G3BP2: variants seen among roughly 807,000 people sequenced by gnomAD.
G3BP2 encodes the protein ras GTPase-activating protein-binding protein 2.
In G3BP2, 11 loss-of-function variants were observed where a neutral mutation model predicts 56.7. That is an observed-to-expected ratio of 0.19 (90% CI 0.12 to 0.32). The LOEUF is 0.32. G3BP2 is among the 10% of genes least tolerant of loss of function. The pLI is 1.00. For missense variants in G3BP2, 340 were observed against 610.9 expected, an observed-to-expected ratio of 0.56 and a Z score of 4.67; for synonymous variants, 165 against 191.6, an observed-to-expected ratio of 0.86 and a Z score of 1.15.
At chr4:75,707,378 T>C (rs192900006) in intron 3 of G3BP2, among the ~76,000 whole-genome samples, 4 of 152,000 alleles carry the variant, frequency 2.6e-5, no homozygotes, top group Admixed American at 2.6e-4. Flanking sequence ...TCCCAGCACT[T>C]TGGGAGGCCG....
intron 3 of G3BP2, among the ~76,000 whole-genome samples, chr4:75,697,516 A>G (rs1157498283): frequency 1.3e-5 from 2 of 152,130 alleles, no homozygotes; most frequent in Non-Finnish European, 2.9e-5. Context: ...TAATGTATTT[A>G]TGTAAATTAG....
intron 3 of G3BP2, among the ~76,000 whole-genome samples, chr4:75,693,644 C>A (rs776697033): frequency 6.6e-6 from 1 of 151,994 alleles, no homozygotes; most frequent in Non-Finnish European, 1.5e-5. Context: ...CAACAATTAG[C>A]TGGGCGCGGT....
chr4:75,721,567 G>A (rs547698620), intron 2 of G3BP2, among the ~76,000 whole-genome samples: 22 of 151,972 alleles, frequency 1.4e-4, no homozygotes, highest in Non-Finnish European at 2.6e-4. Context: ...ACCTATATAC[G>A]ATACTGAAGG....
chr4:75,665,675 A>G (rs1348626182), intron 1 of G3BP2, among the ~76,000 whole-genome samples: 1 of 151,696 alleles, frequency 6.6e-6, no homozygotes, highest in Admixed American at 6.6e-5. Flanking sequence ...ACACACACAC[A>G]CACACACACA....
At chr4:75,703,954 G>A (rs1011208230) in intron 3 of G3BP2, among the ~76,000 whole-genome samples, 16 of 151,440 alleles carry the variant, frequency 1.1e-4, no homozygotes, top group Admixed American at 7.9e-4. Flanking sequence ...TCTTTTGATT[G>A]ATAAATAAAT....
chr4:75,673,515 C>T, upstream of G3BP2: 1 of 1,232,236 alleles, frequency 8.1e-7, no homozygotes, highest in Non-Finnish European at 1.0e-6. Flanking sequence ...TCCTCCAGAG[C>T]CGGACCCAAC....
At chr4:75,721,614 C>G (rs1055626915) in intron 2 of G3BP2, among the ~76,000 whole-genome samples, 17 of 151,978 alleles carry the variant, frequency 1.1e-4, no homozygotes, top group Non-Finnish European at 1.9e-4. Context: ...TAAATAAAAA[C>G]CTATATATGA....
Position 75,701,707 on chromosome 4 carries a change from C to T in G3BP2, c.-25+19170G>A, listed in dbSNP as rs751357216. ...CCTCCCAAAGTGCTGGGATTGCAGG[C>T]GTGACCTGCTGTGCCCAGCCTGTTT... On this transcript the variant is annotated intron_variant, in intron 3 of 3. Transcript: ENST00000499709. Among the ~76,000 whole-genome samples the T allele has an allele frequency of 2.0e-5, 3 of 152,312 alleles. No individual in the cohort carries two copies. The South Asian group carries it at 6.2e-4, about 32-fold the overall frequency.
intron 3 of G3BP2, among the ~76,000 whole-genome samples, chr4:75,716,886 A>G (rs923615579): frequency 6.6e-6 from 1 of 152,214 alleles, no homozygotes; most frequent in African/African-American, 2.4e-5. Flanking sequence ...ATCAGGGGAC[A>G]GAGGCCAAAC....
chr4:75,647,825 G>T (rs1471216511), intron 9 of G3BP2, among the ~76,000 whole-genome samples: 1 of 152,126 alleles, frequency 6.6e-6, no homozygotes, highest in African/African-American at 2.4e-5. Flanking sequence ...AATTCACATT[G>T]TAAATGTGAT....
intron 2 of G3BP2, among the ~76,000 whole-genome samples, chr4:75,721,755 A>G (rs1387874318): frequency 6.6e-6 from 1 of 152,132 alleles, no homozygotes; most frequent in Non-Finnish European, 1.5e-5. Context: ...CGAGTTTTCC[A>G]CTAGAAAGTT....
At chr4:75,673,564 C>CCGCGCTCGCA (rs1421698527), upstream of G3BP2, 17 of 1,231,976 alleles carry the variant, frequency 1.4e-5, no homozygotes, top group Non-Finnish European at 1.6e-5. Flanking sequence ...CAGTACGCTG[C>CCGCGCTCGCA]CGCGCTCGCA....
intron 6 of G3BP2, 96 bp from the exon 7 acceptor site, chr4:75,655,342 A>G: frequency 1.2e-6 from 1 of 853,356 alleles, no homozygotes; most frequent in Non-Finnish European, 1.9e-6. Flanking sequence ...GTTATATGCC[A>G]ATAACTTGTT....
At chr4:75,650,754 G>A (rs1731635252) in intron 8 of G3BP2, among the ~76,000 whole-genome samples, 1 of 152,200 alleles carries the variant, frequency 6.6e-6, no homozygotes, top group East Asian at 1.9e-4. Flanking sequence ...CCAGGCTGGA[G>A]TGCAGTGGCA....
intron 3 of G3BP2, among the ~76,000 whole-genome samples, chr4:75,708,230 C>G (rs1419470951): frequency 6.6e-6 from 1 of 152,140 alleles, no homozygotes; most frequent in Non-Finnish European, 1.5e-5. Context: ...CCTTCTTCCC[C>G]ACTAGACTTG....
chr4:75,665,598 G>C (rs1302829225), intron 1 of G3BP2, among the ~76,000 whole-genome samples: 1 of 150,952 alleles, frequency 6.6e-6, no homozygotes, highest in Non-Finnish European at 1.5e-5. Flanking sequence ...CAGACATGGT[G>C]GTGCACACCT....
chr4:75,707,235 C>T (rs1262517684), intron 3 of G3BP2, among the ~76,000 whole-genome samples: 1 of 149,482 alleles, frequency 6.7e-6, no homozygotes, highest in Admixed American at 6.7e-5. Flanking sequence ...CAGGTATGTA[C>T]GGGACATGTG....
At chr4:75,710,393 G>T (rs1039168057) in intron 3 of G3BP2, among the ~76,000 whole-genome samples, 1 of 152,136 alleles carries the variant, frequency 6.6e-6, no homozygotes, top group Admixed American at 6.6e-5. Context: ...CTATAAGTGG[G>T]CCTCTGTAAT....
At chr4:75,673,474 C>A (rs1234190241), upstream of G3BP2, 2 of 1,232,158 alleles carry the variant, frequency 1.6e-6, no homozygotes, top group Non-Finnish European at 2.0e-6. Context: ...GCCAGGGAAC[C>A]CCCGAGCACA....
Sources: allele counts gnomAD v4.1 joint callset (sites outside exome capture counted in the v4.1 genomes callset), GRCh38; gene constraint gnomAD v4.1.1; transcripts MANE v1.5; gene names NCBI Gene and HGNC (gene_info 2026-07-23, HGNC 2026-07-21).